Variants in ADGRL2 observed in about 807,000 individuals in gnomAD.
ADGRL2 encodes the protein calcium-independent alpha-latrotoxin receptor 2.
Under a neutral mutation model 157.4 loss-of-function variants are expected in ADGRL2, and 44 were observed. That is an observed-to-expected ratio of 0.28 (90% CI 0.22 to 0.36). The LOEUF (loss-of-function observed/expected upper bound fraction) is 0.36. ADGRL2 is among the 10% of genes least tolerant of loss of function. The probability of loss-of-function intolerance (pLI) is 1.00; values close to 1 mark genes in which losing one functional copy is unlikely to be tolerated. For missense variants in ADGRL2, 1,510 were observed against 1,768.9 expected, an observed-to-expected ratio of 0.85 and a Z score of 2.63; for synonymous variants, 585 against 624.7, an observed-to-expected ratio of 0.94 and a Z score of 0.95.
At chr1:81,819,958 T>C (rs964187639) in intron 1 of ADGRL2, among the ~76,000 whole-genome samples, 5 of 152,158 alleles carry the variant, frequency 3.3e-5, no homozygotes, top group African/African-American at 1.2e-4. Flanking sequence ...TTTGTTACCA[T>C]GAACTTCTAA....
Position 81,430,674 on chromosome 1 carries a change from AGTT to A in ADGRL2, c.-301-14346_-301-14344del, listed in dbSNP as rs376586643. On this transcript the variant is annotated intron_variant, in intron 1 of 24. Coordinates refer to the ADGRL2 transcript ENST00000370721. ...AAGAAATGATGTAAGATTTCAAGTTAGTTGTTGTTGTTGTTGTTTTTAATAGCC... is the reference window on the plus strand; with the variant it reads ...AAGAAATGATGTAAGATTTCAAGTTAGTTGTTGTTGTTGTTTTTAATAGCC... 2.7e-3 allele frequency among the ~76,000 whole-genome samples: 409 copies of A among 152,030 alleles called. 4 individuals are homozygous for A. The highest frequency in any genetic ancestry group is 9.4e-3 in the African/African-American group (390 of 41,478).
intron 1 of ADGRL2, among the ~76,000 whole-genome samples, chr1:81,706,064 T>C (rs1233551651): frequency 6.6e-6 from 1 of 151,946 alleles, no homozygotes; most frequent in Non-Finnish European, 1.5e-5. Flanking sequence ...CTGGGCGTGG[T>C]CATGCACGCC....
At position 81,340,623 on chromosome 1, in the gene ADGRL2, G is replaced by A. The variant is rs77804414; in HGVS notation, c.-302+34114G>A. Among the ~76,000 whole-genome samples, 351 of 152,158 alleles carry A rather than the reference G, an allele frequency of 2.3e-3. 4 individuals are homozygous for A. The highest frequency in any genetic ancestry group is 7.9e-3 in the African/African-American group (326 of 41,504). On this transcript the variant is annotated intron_variant, in intron 1 of 24. Transcript: ENST00000370721. ...TAAAATTAAAAGTAAGAAAGAAGAG[G>A]CAGTTTGGCAGCACTTCTATGAAAA... is the stretch of plus-strand genomic sequence containing the variant.
intron 2 of ADGRL2, among the ~76,000 whole-genome samples, chr1:81,789,693 C>G (rs542236222): frequency 1.9e-5 from 2 of 105,980 alleles, no homozygotes; most frequent in African/African-American, 8.0e-5. Flanking sequence ...CAGAGCGAGT[C>G]TCCGTCTCAA....
chr1:81,940,729 G>A (rs1309820300), intron 4 of ADGRL2, among the ~76,000 whole-genome samples: 1 of 87,344 alleles, frequency 1.1e-5, no homozygotes, highest in Non-Finnish European at 2.2e-5. Context: ...TGCAGTATTA[G>A]CAACCCTGAT....
intron 2 of ADGRL2, among the ~76,000 whole-genome samples, chr1:81,503,720 T>G (rs1227110481): frequency 6.6e-6 from 1 of 152,140 alleles, no homozygotes; most frequent in African/African-American, 2.4e-5. Flanking sequence ...GGTGGGGGTC[T>G]GTGGGTGTCC....
chr1:81,369,059 G>A (rs748265450), intron 1 of ADGRL2, among the ~76,000 whole-genome samples: 2 of 151,956 alleles, frequency 1.3e-5, no homozygotes, highest in Non-Finnish European at 2.9e-5. Flanking sequence ...TTGACCTTCT[G>A]AATATTCACT....
At chr1:81,938,188 C>T (rs569992006) in intron 4 of ADGRL2, among the ~76,000 whole-genome samples, 2 of 151,672 alleles carry the variant, frequency 1.3e-5, no homozygotes, top group South Asian at 2.1e-4. Context: ...TCTCCTGTGC[C>T]ACTAGAGGAA....
At position 81,806,035 on chromosome 1, in the gene ADGRL2, C is replaced by T. The variant is rs183659479; in HGVS notation, c.-101+4967C>T. Among the ~76,000 whole-genome samples the T allele has an allele frequency of 2.0e-5, 3 of 152,120 alleles. No homozygotes were observed. The East Asian group carries it at 5.8e-4, about 29-fold the overall frequency. On this transcript the variant is annotated intron_variant, in intron 1 of 23. Transcript: ENST00000686636. ...GTAGAAGAACTTCAGCTGCCATTTT[C>T]AATCACTGGGTTACTATGTGTTGGC...
At chr1:81,587,454 G>A (rs973728036) in intron 3 of ADGRL2, among the ~76,000 whole-genome samples, 2 of 152,040 alleles carry the variant, frequency 1.3e-5, no homozygotes, top group African/African-American at 2.4e-5. Flanking sequence ...GCCATTCCAG[G>A]CAGAAGAAAT....
intron 2 of ADGRL2, among the ~76,000 whole-genome samples, chr1:81,524,221 C>T (rs145597198): frequency 0.017 from 2,606 of 152,020 alleles, 65 homozygotes; most frequent in African/African-American, 0.06. Context: ...AAAAAATTAG[C>T]CGGATGTGGT....
At chr1:81,753,934 G>C (rs1025531827) in intron 1 of ADGRL2, among the ~76,000 whole-genome samples, 1 of 152,082 alleles carries the variant, frequency 6.6e-6, no homozygotes, top group Non-Finnish European at 1.5e-5. Flanking sequence ...TGCATGTTTT[G>C]GGGGAATATT....
At chr1:81,348,982 A>C (rs1340879335) in intron 1 of ADGRL2, among the ~76,000 whole-genome samples, 1 of 152,218 alleles carries the variant, frequency 6.6e-6, no homozygotes, top group Admixed American at 6.5e-5. Flanking sequence ...GCACCAATGG[A>C]AGTAATCTGC....
At chr1:81,445,998 C>A (rs964675981) in intron 2 of ADGRL2, among the ~76,000 whole-genome samples, 3 of 152,306 alleles carry the variant, frequency 2.0e-5, no homozygotes, top group Non-Finnish European at 1.5e-5. Context: ...ACCTCCTCAC[C>A]TTACTTGCTT....
chr1:81,401,779 G>A (rs1009832824), intron 1 of ADGRL2, among the ~76,000 whole-genome samples: 4 of 152,132 alleles, frequency 2.6e-5, no homozygotes, highest in South Asian at 4.1e-4. Flanking sequence ...CTGTGCATTA[G>A]GGGGTTATCT....
intron 2 of ADGRL2, among the ~76,000 whole-genome samples, chr1:81,534,415 G>A (rs886073905): frequency 6.6e-6 from 1 of 152,126 alleles, no homozygotes; most frequent in African/African-American, 2.4e-5. Flanking sequence ...ACCAGCCTTG[G>A]CCTCCCAAAG....
intron 6 of ADGRL2, among the ~76,000 whole-genome samples, chr1:81,947,292 A>G (rs2149016598): frequency 6.6e-6 from 1 of 152,236 alleles, no homozygotes; most frequent in African/African-American, 2.4e-5. Context: ...TTCTAGTCTT[A>G]TGCTTTCTTT....
chr1:81,670,447 C>T (rs1022821529), intron 3 of ADGRL2, among the ~76,000 whole-genome samples: 2 of 152,182 alleles, frequency 1.3e-5, no homozygotes, highest in Non-Finnish European at 2.9e-5. Context: ...GTACACTGCC[C>T]TCTGTGTCAT....
chr1:81,657,934 A>G (rs1208643963), intron 3 of ADGRL2, among the ~76,000 whole-genome samples: 9 of 152,178 alleles, frequency 5.9e-5, no homozygotes, highest in Non-Finnish European at 1.3e-4. Context: ...AGGAGACGTA[A>G]ATTACTTATA....
Sources: gnomAD v4.1 joint callset for allele counts (sites outside exome capture counted in the v4.1 genomes callset) on GRCh38, gnomAD v4.1.1 for gene constraint, MANE v1.5 for transcripts, NCBI Gene and HGNC (gene_info 2026-07-23, HGNC 2026-07-21) for gene names.